The following CES1 variants were observed in gnomAD, a reference collection of about 807,000 sequenced individuals.
CES1 encodes the protein carboxylesterase 1, also known as liver carboxylesterase 1.
Under a neutral mutation model 53.0 loss-of-function variants are expected in CES1, and 50 were observed. The ratio of observed to expected loss-of-function variants is 0.94; its 90% CI spans 0.75 to 1.19. The LOEUF (loss-of-function observed/expected upper bound fraction) is 1.19, where lower values mean the gene tolerates loss of function less well. CES1 is among the 50% of genes most tolerant of loss of function. CES1 has a pLI of 0.00. For synonymous variants in CES1, 202 were observed against 210.1 expected (o/e 0.96, Z 0.33); for missense variants, 534 against 538.0 (o/e 0.99, Z 0.07).
chr16:55,816,980 G>C lies in CES1; in HGVS notation c.907-18C>G. 1 of 1,614,194 alleles carries C rather than the reference G, an allele frequency of 6.2e-7. No individual in the cohort carries two copies. Among genetic ancestry groups the C allele is most frequent in the South Asian group, 1.1e-5 (1 of 91,086 alleles). On this transcript the variant is annotated intron_variant, in intron 7 of 13. Transcript: ENST00000360526. Reference sequence around the variant, plus strand: ...AAGAATTTCTGTGAAGACAAAGGCAGAGGATGTGGGTGAGAGGCTTACCAG... The same window carrying C: ...AAGAATTTCTGTGAAGACAAAGGCACAGGATGTGGGTGAGAGGCTTACCAG...
At chr16:55,814,800 C>T (rs1352748217) in intron 8 of CES1, among the ~76,000 whole-genome samples, 2 of 152,218 alleles carry the variant, frequency 1.3e-5, no homozygotes, top group African/African-American at 2.4e-5. Context: ...CGAGCTAGTT[C>T]GGACTGCCTG....
intron 4 of CES1, 35 bp downstream of exon 4, chr16:55,823,515 G>A (rs1236967780): frequency 1.2e-6 from 2 of 1,610,244 alleles, no homozygotes; most frequent in South Asian, 2.2e-5. Context: ...TCGTTCTGGG[G>A]GCCAAAGTGC....
intron 1 of CES1, among the ~76,000 whole-genome samples, chr16:55,830,822 G>GAAGGAA (rs1567509507): frequency 1.5e-5 from 2 of 134,936 alleles, no homozygotes; most frequent in Non-Finnish European, 3.3e-5. Context: ...AGGAAGGAAG[G>GAAGGAA]CAGGCAGGCA....
Position 55,826,248 on chromosome 16 carries a change from G to A in CES1, c.308C>T (p.Thr103Ile), listed in dbSNP as rs1398771354. Residue 103 changes from threonine (T) to isoleucine (I), a missense_variant, in exon 3 of 14, where the codon ACA (threonine) becomes ATA (isoleucine). Around this residue, in one of 5 missense-constraint regions of CES1, gnomAD observed 164 missense variants for 162.4 expected, o/e 1.01. Coordinates refer to ENST00000360526, the MANE Select transcript of CES1 (RefSeq NM_001025195.2). ...KAGQLLSELF[T>I]NRKENIPLKL... ...GAGAGGAATGTTCTCCTTTCGGTTT[G>A]TAAATAGCTCTGAGAGTAACTGCCC... The A allele has an allele frequency of 6.2e-7, 1 of 1,613,994 alleles. No homozygotes were observed. Among genetic ancestry groups the A allele is most frequent in the Admixed American group, 1.7e-5 (1 of 60,018 alleles).
intron 7 of CES1, 81 bp downstream of exon 7, chr16:55,819,454 T>G (rs1469523964): frequency 1.3e-5 from 13 of 1,020,062 alleles, no homozygotes; most frequent in African/African-American, 4.8e-5. Context: ...CAGGAAACTG[T>G]CCCTGGGCAA....
chr16:55,824,869 C>CCA (rs1435184248), intron 3 of CES1, among the ~76,000 whole-genome samples: 1 of 152,162 alleles, frequency 6.6e-6, no homozygotes, highest in African/African-American at 2.4e-5. Context: ...AAACCCAGAC[C>CCA]GTGTAGTTCT....
chr16:55,816,030 T>G (rs2031928856), intron 8 of CES1, among the ~76,000 whole-genome samples: 2 of 152,296 alleles, frequency 1.3e-5, no homozygotes, highest in Admixed American at 1.3e-4. Context: ...TGGAATAGGC[T>G]TCTCCAGGTT....
intron 8 of CES1, among the ~76,000 whole-genome samples, chr16:55,816,338 T>C (rs538417119): frequency 6.6e-6 from 1 of 152,280 alleles, no homozygotes; most frequent in Admixed American, 6.5e-5. Flanking sequence ...ATGAATCTCA[T>C]GTACTCCGCC....
chr16:55,821,664 T>C (rs1185977328), intron 4 of CES1, 143 bp from the exon 5 acceptor site: 12 of 874,022 alleles, frequency 1.4e-5, no homozygotes, highest in East Asian at 2.6e-5. Flanking sequence ...CTTTCATTAG[T>C]ACAGCATTGT....
intron 8 of CES1, among the ~76,000 whole-genome samples, chr16:55,813,775 T>C (rs2031809252): frequency 6.6e-6 from 1 of 152,152 alleles, no homozygotes; most frequent in Admixed American, 6.5e-5. Flanking sequence ...GCAGCGCTAC[T>C]CTTGGGTTCG....
At position 55,820,356 on chromosome 16, in the gene CES1, C is replaced by T. The variant is rs2032121400; in HGVS notation, c.801+16G>A. The T allele has an allele frequency of 3.4e-6, 5 of 1,484,030 alleles. No individual in the cohort carries two copies. The highest frequency in any genetic ancestry group is 3.7e-5 in the Admixed American group (2 of 54,422). 91.9% of individuals were successfully genotyped at this position (1,484,030 alleles called of 1,614,324 possible). A position where few individuals can be genotyped will look rare whatever the true frequency, so the allele number is the denominator to read the frequency against. On this transcript the variant is annotated intron_variant, in intron 6 of 13. Coordinates refer to ENST00000360526, the MANE Select transcript of CES1 (RefSeq NM_001025195.2). ...GTGGGGGTGTCCAGCCGGAGACGTA[C>T]CAGCCGGAGACCTACCTCAGCCAAG... is the stretch of plus-strand genomic sequence containing the variant.
intron 9 of CES1, 26 bp from the exon 10 acceptor site, chr16:55,811,036 T>A: frequency 6.5e-7 from 1 of 1,541,472 alleles, no homozygotes. Context: ...AGTTCAGCAT[T>A]TATGAATCAT....
intron 10 of CES1, 111 bp from the exon 11 acceptor site, chr16:55,810,775 C>A (rs561918231): frequency 6.8e-7 from 1 of 1,466,946 alleles, no homozygotes; most frequent in Admixed American, 1.7e-5. Flanking sequence ...TGCAACTCCC[C>A]GCTAGGGTGG....
At chr16:55,822,084 C>T (rs558490986) in intron 4 of CES1, among the ~76,000 whole-genome samples, 1 of 152,332 alleles carries the variant, frequency 6.6e-6, no homozygotes, top group South Asian at 2.1e-4. Context: ...GTGCAAAGGG[C>T]CTGGGGCCCA....
rs751900505 is a variant in CES1 at position 55,812,916 on chromosome 16, C to G, written c.1073G>C (p.Trp358Ser). The stretch of plus-strand genomic sequence containing the variant: ...GTGCCTTCTCACCATTGGAATCAAC[C>G]AGCCAAACTCCTGCTTGTTAATTCC... ...MVGINKQEFG[W>S]LIPMQLMSYP... The change falls in exon 9 of 14, where the codon TGG becomes TCG. Residue 358 changes from tryptophan (W) to serine (S), a missense_variant. Trp to Ser is a radical substitution (Grantham distance 177, BLOSUM62 -3). This residue lies in a region of CES1 where 269 missense variants were observed against 206.6 expected (regional missense o/e 1.30). Coordinates refer to ENST00000360526, the MANE Select transcript of CES1 (RefSeq NM_001025195.2). The G allele has an allele frequency of 6.2e-7, 1 of 1,614,146 alleles. No homozygotes were observed. The highest frequency in any genetic ancestry group is 2.2e-5 in the East Asian group (1 of 44,888).
At chr16:55,817,038 A>G in intron 7 of CES1, 76 bp from the exon 8 acceptor site, 2 of 1,488,076 alleles carry the variant, frequency 1.3e-6, no homozygotes, top group Non-Finnish European at 1.9e-6. Context: ...GGGGCAACAG[A>G]GGTGTCAGGT....
rs756990201 is a variant in CES1, at chr16:55,821,529, G to GA, written c.540-9dup. ...CTGTGTTCATCCCCTGTGCTGTGAGGAAGAGAACAGGTTGAGGGTGGGGAG... is the reference window on the plus strand; with the variant it reads ...CTGTGTTCATCCCCTGTGCTGTGAGGAAAGAGAACAGGTTGAGGGTGGGGAG... On this transcript the variant is annotated splice_polypyrimidine_tract_variant and intron_variant, in intron 4 of 13. Coordinates refer to ENST00000360526, the MANE Select transcript of CES1 (RefSeq NM_001025195.2). 4 of 1,614,184 alleles carry GA rather than the reference G, an allele frequency of 2.5e-6. No individual in the cohort carries two copies. The highest frequency in any genetic ancestry group is 3.4e-6 in the Non-Finnish European group (4 of 1,180,020).
chr16:55,810,823 C>T (rs2142313920), intron 10 of CES1, 104 bp downstream of exon 10: 1 of 1,405,948 alleles, frequency 7.1e-7, no homozygotes, highest in Non-Finnish European at 1.0e-6. Context: ...GGGGGAAACC[C>T]TGAGGCCCCA....
chr16:55,830,239 C>A (rs560485901), intron 1 of CES1, among the ~76,000 whole-genome samples: 20 of 152,164 alleles, frequency 1.3e-4, no homozygotes, highest in African/African-American at 1.7e-4. Flanking sequence ...AATAGCCAAC[C>A]CTGCAATGTC....
Sources: gnomAD v4.1 joint callset for allele counts (sites outside exome capture counted in the v4.1 genomes callset) on GRCh38, gnomAD v4.1.1 for gene constraint, gnomAD v4.1.1 regional missense constraint, MANE v1.5 for transcripts, NCBI Gene and HGNC (gene_info 2026-07-23, HGNC 2026-07-21) for gene names.